ZRANB3: variants seen among roughly 807,000 people sequenced by gnomAD.
ZRANB3 encodes the protein zinc finger RANBP2-type containing 3.
A neutral mutation model predicts 133.8 loss-of-function variants in ZRANB3; 125 were observed. The observed-to-expected ratio is 0.93, with a 90% confidence interval of 0.81 to 1.08. The LOEUF is 1.08. Ranked by LOEUF, ZRANB3 falls within the 50% of genes least tolerant of loss-of-function variation. The pLI is 0.00. For missense variants in ZRANB3, 1,229 were observed against 1,275.5 expected, an observed-to-expected ratio of 0.96 and a Z score of 0.56; for synonymous variants, 387 against 432.7, an observed-to-expected ratio of 0.89 and a Z score of 1.31.
intron 10 of ZRANB3, 23 bp downstream of exon 10, chr2:135,271,745 A>T (rs1680524743): frequency 7.5e-6 from 12 of 1,597,990 alleles, no homozygotes; most frequent in Non-Finnish European, 1.0e-5. Flanking sequence ...TTCATAACCA[A>T]ATTTAGACTT....
chr2:135,395,737 G>A (rs1201384279), intron 2 of ZRANB3, among the ~76,000 whole-genome samples: 1 of 151,936 alleles, frequency 6.6e-6, no homozygotes, highest in African/African-American at 2.4e-5. Flanking sequence ...GGATTACAGG[G>A]GTGAACCACG....
intron 12 of ZRANB3, among the ~76,000 whole-genome samples, chr2:135,235,036 C>T (rs1029805906): frequency 1.1e-4 from 16 of 151,946 alleles, no homozygotes; most frequent in Admixed American, 5.2e-4. Flanking sequence ...ATTGATAGAC[C>T]GCTAGCAGGA....
chr2:135,266,045 C>A (rs1558872809), intron 11 of ZRANB3, among the ~76,000 whole-genome samples: 1 of 152,022 alleles, frequency 6.6e-6, no homozygotes, highest in Non-Finnish European at 1.5e-5. Context: ...CCCATCTCTA[C>A]TAAAAATAGA....
At chr2:135,324,178 C>G (rs1248289195) in intron 6 of ZRANB3, among the ~76,000 whole-genome samples, 1 of 151,466 alleles carries the variant, frequency 6.6e-6, no homozygotes, top group African/African-American at 2.4e-5. Flanking sequence ...TGTGCTGCAC[C>G]CATTAACTCA....
At chr2:135,398,521 C>T (rs1687598064) in intron 2 of ZRANB3, among the ~76,000 whole-genome samples, 3 of 123,912 alleles carry the variant, frequency 2.4e-5, no homozygotes, top group East Asian at 2.3e-4. Flanking sequence ...TCTTTTGTCA[C>T]TTTTTTTTTT....
At chr2:135,480,557 C>A (rs1216486489) in intron 2 of ZRANB3, among the ~76,000 whole-genome samples, 3 of 151,948 alleles carry the variant, frequency 2.0e-5, no homozygotes, top group East Asian at 1.9e-4. Context: ...ACTATGAAAT[C>A]TTCTCTTATC....
chr2:135,443,172 C>T (rs1296469789), intron 2 of ZRANB3, among the ~76,000 whole-genome samples: 1 of 151,316 alleles, frequency 6.6e-6, no homozygotes, highest in Non-Finnish European at 1.5e-5. Context: ...GGCACATATA[C>T]ACCATGGAAT....
At chr2:135,349,962 C>T (rs1288985124) in intron 5 of ZRANB3, 22 bp downstream of exon 5, 5 of 1,603,122 alleles carry the variant, frequency 3.1e-6, no homozygotes, top group East Asian at 4.5e-5. Flanking sequence ...CTTTTAAGTT[C>T]GAAGTATAAG....
chr2:135,299,166 G>A (rs1456095889), intron 8 of ZRANB3, among the ~76,000 whole-genome samples: 1 of 152,118 alleles, frequency 6.6e-6, no homozygotes, highest in South Asian at 2.1e-4. Flanking sequence ...CTCTCCTTGG[G>A]CTGGGACTGC....
chr2:135,462,368 C>A (rs571161963), intron 2 of ZRANB3, among the ~76,000 whole-genome samples: 2 of 152,274 alleles, frequency 1.3e-5, no homozygotes, highest in South Asian at 4.1e-4. Context: ...TCTTTGGCTA[C>A]AATTCCACGT....
chr2:135,249,063 C>T (rs1679226932), intron 12 of ZRANB3, among the ~76,000 whole-genome samples: 1 of 152,156 alleles, frequency 6.6e-6, no homozygotes, highest in South Asian at 2.1e-4. Flanking sequence ...GATCTCACAC[C>T]AGTCAGAATG....
rs1345894756 is a variant in ZRANB3, at chr2:135,200,285, T to G, written c.*57A>C. The G allele has an allele frequency of 7.3e-7, 1 of 1,374,580 alleles. No individual in the cohort carries two copies. The highest frequency in any genetic ancestry group is 1.4e-5 in the African/African-American group (1 of 68,974). The allele number at this position is 1,374,580 out of a possible 1,614,324, so 85.1% of individuals were successfully genotyped here. A position where few individuals can be genotyped will look rare whatever the true frequency, so the allele number is the denominator to read the frequency against. ...ATATTAAACAAACATGGAAAACTTC[T>G]GTATTAAAGTCTTCCACATGTAAAC... On this transcript the variant is annotated 3_prime_UTR_variant, in exon 21 of 21. Coordinates refer to ENST00000264159, the MANE Select transcript of ZRANB3 (RefSeq NM_032143.4).
In ZRANB3 at chr2:135,318,389, G is replaced by A. The variant is rs117495955; in HGVS notation, c.678-2859C>T. 1.8e-3 allele frequency among the ~76,000 whole-genome samples: 276 copies of A among 152,164 alleles called. 7 individuals are homozygous for A. The South Asian group carries it at 0.033, about 18-fold the overall frequency. ...AAATGGGAAGATCCACTGTTTGGGGGATGGTTGAATAAACTGTGGGGCATG... is the reference window on the plus strand; with the variant it reads ...AAATGGGAAGATCCACTGTTTGGGGAATGGTTGAATAAACTGTGGGGCATG... On this transcript the variant is annotated intron_variant, in intron 6 of 20. Coordinates refer to ENST00000264159, the MANE Select transcript of ZRANB3 (RefSeq NM_032143.4).
intron 1 of ZRANB3, among the ~76,000 whole-genome samples, chr2:135,508,304 AT>A (rs1293335699): frequency 6.6e-6 from 1 of 151,984 alleles, no homozygotes; most frequent in African/African-American, 2.4e-5. Flanking sequence ...TGTCAGGCTA[AT>A]TTTTTGTATT....
chr2:135,272,194 A>C (rs1289289151), intron 9 of ZRANB3, among the ~76,000 whole-genome samples: 1 of 152,202 alleles, frequency 6.6e-6, no homozygotes, highest in Non-Finnish European at 1.5e-5. Context: ...TTTATGAATT[A>C]AGCTAATGTT....
chr2:135,451,778 T>C (rs1164076392), intron 2 of ZRANB3, among the ~76,000 whole-genome samples: 1 of 152,144 alleles, frequency 6.6e-6, no homozygotes, highest in African/African-American at 2.4e-5. Flanking sequence ...CAGCATTCCA[T>C]ATGTAGAAGA....
At chr2:135,514,858 G>A (rs1693636014) in intron 1 of ZRANB3, among the ~76,000 whole-genome samples, 1 of 152,096 alleles carries the variant, frequency 6.6e-6, no homozygotes, top group Admixed American at 6.5e-5. Flanking sequence ...AAGGGGTGTT[G>A]AATTTTATGG....
At chr2:135,317,493 T>G (rs922248388) in intron 6 of ZRANB3, among the ~76,000 whole-genome samples, 3 of 152,218 alleles carry the variant, frequency 2.0e-5, no homozygotes, top group African/African-American at 7.2e-5. Context: ...TGTACAGGTG[T>G]GCAGTATGCT....
intron 8 of ZRANB3, among the ~76,000 whole-genome samples, chr2:135,288,547 T>C (rs931449003): frequency 2.0e-5 from 3 of 152,204 alleles, no homozygotes; most frequent in Admixed American, 6.5e-5. Context: ...AACTTTCTTT[T>C]GTTGGCAATT....
Sources: allele counts gnomAD v4.1 joint callset (sites outside exome capture counted in the v4.1 genomes callset), GRCh38; gene constraint gnomAD v4.1.1; transcripts MANE v1.5; gene names NCBI Gene and HGNC (gene_info 2026-07-23, HGNC 2026-07-21).